Variants in MAP4 observed in about 807,000 individuals in gnomAD.
MAP4 encodes microtubule-associated protein 4.
Under a neutral mutation model 170.2 loss-of-function variants are expected in MAP4, and 76 were observed. The observed-to-expected ratio is 0.45, with a 90% confidence interval of 0.37 to 0.54. The LOEUF (loss-of-function observed/expected upper bound fraction) is 0.54. MAP4 is among the 20% of genes least tolerant of loss of function. The pLI is 0.00. For missense variants in MAP4, 2,506 were observed against 2,748.0 expected, an observed-to-expected ratio of 0.91 and a Z score of 1.97; for synonymous variants, 909 against 994.5, an observed-to-expected ratio of 0.91 and a Z score of 1.62.
At chr3:47,979,564 T>A (rs924540195) in intron 2 of MAP4, among the ~76,000 whole-genome samples, 3 of 152,138 alleles carry the variant, frequency 2.0e-5, no homozygotes, top group African/African-American at 7.2e-5. Context: ...CAAGAGATTC[T>A]CCAGGCTCAG....
chr3:48,031,217 A>C (rs2100115940), intron 1 of MAP4, among the ~76,000 whole-genome samples: 1 of 152,120 alleles, frequency 6.6e-6, no homozygotes, highest in African/African-American at 2.4e-5. Context: ...TCTGACACCA[A>C]CTTAGGCAAG....
chr3:48,038,815 C>G (rs937609095), intron 1 of MAP4, among the ~76,000 whole-genome samples: 5 of 151,900 alleles, frequency 3.3e-5, no homozygotes, highest in African/African-American at 1.2e-4. Flanking sequence ...TAAGAGTTGG[C>G]TGTAGGCCAA....
chr3:48,036,587 T>C (rs2100118838), intron 1 of MAP4, among the ~76,000 whole-genome samples: 3 of 152,232 alleles, frequency 2.0e-5, no homozygotes, highest in South Asian at 2.1e-4. Context: ...TGCTGTGACA[T>C]AGGGTATGCC....
At chr3:48,056,855 C>A (rs1170913726) in intron 1 of MAP4, among the ~76,000 whole-genome samples, 3 of 121,756 alleles carry the variant, frequency 2.5e-5, no homozygotes, top group African/African-American at 3.3e-5. Context: ...GGGGGGTCAG[C>A]CCCCCTGCCC....
At chr3:47,962,160 A>G (rs1006462247) in intron 3 of MAP4, among the ~76,000 whole-genome samples, 2 of 152,240 alleles carry the variant, frequency 1.3e-5, no homozygotes, top group African/African-American at 4.8e-5. Context: ...GTAATTAATA[A>G]CAGATATAAA....
intron 10 of MAP4, among the ~76,000 whole-genome samples, chr3:47,889,391 A>G (rs2098197165): frequency 6.6e-6 from 1 of 152,194 alleles, no homozygotes; most frequent in African/African-American, 2.4e-5. Flanking sequence ...TTCCTCCAAA[A>G]TGTTTCCACA....
chr3:48,031,505 C>T (rs373891389), intron 1 of MAP4, among the ~76,000 whole-genome samples: 2 of 151,956 alleles, frequency 1.3e-5, no homozygotes, highest in Non-Finnish European at 2.9e-5. Flanking sequence ...GAGCCAAGGT[C>T]GCGCCACTGC....
intron 1 of MAP4, among the ~76,000 whole-genome samples, chr3:48,023,061 T>C (rs1383641482): frequency 2.6e-5 from 4 of 152,182 alleles, no homozygotes; most frequent in African/African-American, 9.7e-5. Flanking sequence ...ATGACGATAA[T>C]GCACTAGGAT....
At chr3:47,912,516 ATT>A (rs2100036507) in intron 8 of MAP4, 95 bp from the exon 9 acceptor site, 1 of 1,117,692 alleles carries the variant, frequency 8.9e-7, no homozygotes, top group African/African-American at 1.6e-5. Context: ...TAAATGACTA[ATT>A]TAAGGAGGCT....
chr3:48,042,396 A>G (rs2100122088), intron 1 of MAP4, among the ~76,000 whole-genome samples: 1 of 152,202 alleles, frequency 6.6e-6, no homozygotes, highest in Admixed American at 6.5e-5. Flanking sequence ...TGTTTTTTCC[A>G]CACACACCTG....
chr3:47,951,009 G>C (rs1372489159), intron 3 of MAP4, among the ~76,000 whole-genome samples: 2 of 152,102 alleles, frequency 1.3e-5, no homozygotes, highest in Admixed American at 1.3e-4. Flanking sequence ...AAATATATAA[G>C]ACTAGTTTTT....
intron 1 of MAP4, chr3:48,013,459 T>C (rs2100106340): frequency 6.6e-6 from 1 of 152,102 alleles, no homozygotes; most frequent in Admixed American, 6.5e-5. Flanking sequence ...AAGCACCAGT[T>C]TAATCTGACA....
intron 1 of MAP4, among the ~76,000 whole-genome samples, chr3:48,045,085 C>CT (rs2100123717): frequency 6.6e-6 from 1 of 151,036 alleles, no homozygotes; most frequent in Non-Finnish European, 1.5e-5. Context: ...GGTGAAAACC[C>CT]ATCTCTACTA....
At chr3:48,081,292 A>T (rs552850208) in intron 1 of MAP4, among the ~76,000 whole-genome samples, 8 of 151,876 alleles carry the variant, frequency 5.3e-5, no homozygotes, top group Non-Finnish European at 1.0e-4. Context: ...CATCTCAAAA[A>T]AAATAAATAA....
intron 3 of MAP4, among the ~76,000 whole-genome samples, chr3:47,934,824 A>C (rs2100051800): frequency 6.6e-6 from 1 of 152,218 alleles, no homozygotes; most frequent in African/African-American, 2.4e-5. Context: ...TTCATTTACC[A>C]ATTTAAGCAC....
intron 1 of MAP4, among the ~76,000 whole-genome samples, chr3:48,002,533 A>T (rs2154389694): frequency 1.3e-5 from 2 of 152,220 alleles, no homozygotes; most frequent in East Asian, 3.9e-4. Flanking sequence ...GCACCACTGT[A>T]CTCCAGCCTG....
chr3:47,891,866 C>T, intron 10 of MAP4: 2 of 1,536,168 alleles, frequency 1.3e-6, no homozygotes, highest in Non-Finnish European at 8.7e-7. Flanking sequence ...AGGGGTGATG[C>T]TATTCTCCAT....
rs769084881 is a variant in MAP4, at chr3:47,910,853, T to C, written c.3568A>G (p.Lys1190Glu). The change falls in exon 9 of 21, where the codon AAG (lysine) becomes GAG (glutamate). Residue 1190 changes from lysine to glutamate, a missense_variant. Physicochemically the swap from Lys to Glu is moderately conservative, Grantham distance 56. Coordinates refer to ENST00000683076, the MANE Select transcript of MAP4 (RefSeq NM_001385682.1). ...TCCTTCCATGGACACCTTCCTTCCTTGCTCTGGTTATTGACACCCATATCT... is the reference window on the plus strand; with the variant it reads ...TCCTTCCATGGACACCTTCCTTCCTCGCTCTGGTTATTGACACCCATATCT... ...VKDMGVNNQSKEGRCPWKDHE... is the reference protein window; with the variant it reads ...VKDMGVNNQSEEGRCPWKDHE... 6.5e-7 allele frequency: 1 copy of C among 1,536,154 alleles called. No homozygotes were observed. The highest frequency in any genetic ancestry group is 1.2e-5 in the South Asian group (1 of 84,062).
At chr3:47,975,148 G>C in intron 3 of MAP4, 1 of 1,129,946 alleles carries the variant, frequency 8.8e-7, no homozygotes, top group South Asian at 3.6e-5. Context: ...AAATCATAAA[G>C]AAAACAAGAA....
Sources: gnomAD v4.1 joint callset for allele counts (sites outside exome capture counted in the v4.1 genomes callset) on GRCh38, gnomAD v4.1.1 for gene constraint, MANE v1.5 for transcripts, NCBI Gene and HGNC (gene_info 2026-07-23, HGNC 2026-07-21) for gene names.